TAF6L: variants seen among roughly 807,000 people sequenced by gnomAD.
TAF6L encodes TAF6-like RNA polymerase II p300/CBP-associated factor-associated factor 65 kDa subunit 6L.
TAF6L carries 34 observed loss-of-function variants against 57.3 expected under a neutral mutation model. The observed-to-expected ratio is 0.59, with a 90% confidence interval of 0.45 to 0.79. The LOEUF is 0.79. Among genes scored for constraint, TAF6L ranks in the 30% least tolerant of loss-of-function variants. The pLI is 0.00. For synonymous variants in TAF6L, 417 were observed against 376.3 expected, an observed-to-expected ratio of 1.11 and a Z score of -1.25; for missense variants, 782 against 853.2, an observed-to-expected ratio of 0.92 and a Z score of 1.04.
Position 62,787,006 on chromosome 11 carries a change from G to C in TAF6L, c.1579G>C (p.Val527Leu). The C allele has an allele frequency of 6.7e-7, 1 of 1,484,348 alleles. No individual in the cohort carries two copies. The highest frequency in any genetic ancestry group is 1.3e-5 in the South Asian group (1 of 77,540). The allele number at this position is 1,484,348 out of a possible 1,614,324, so 91.9% of individuals were successfully genotyped here. The part of the protein sequence containing the change: ...AASESRPLPR[V>L]HRARGAPRQQ... ...CTCTGAGAGCAGGCCCTTGCCGCGC[G>C]TGCATCGGGCGCGCGGGGCACCCCG... Residue 527 changes from valine to leucine, a missense_variant, in exon 11 of 11, where the codon GTG (valine) becomes CTG (leucine). Physicochemically the swap from Val to Leu is conservative, Grantham distance 32 (BLOSUM62 1). Transcript: ENST00000294168.
chr11:62,777,009 T>C (rs2084193046), intron 3 of TAF6L, among the ~76,000 whole-genome samples: 1 of 151,986 alleles, frequency 6.6e-6, no homozygotes, highest in African/African-American at 2.4e-5. Context: ...TAGCTGGCCG[T>C]GGCGGTGGGC....
At chr11:62,785,435 G>A (rs12808302) in intron 9 of TAF6L, among the ~76,000 whole-genome samples, 30,753 of 151,376 alleles carry the variant, frequency 0.2, 3,759 homozygotes, top group Non-Finnish European at 0.29. Context: ...CTCCTGATCC[G>A]CCTGCCTTGG....
At position 62,775,846 on chromosome 11, in the gene TAF6L, G is replaced by T; in HGVS notation, c.63G>T (p.Ala21=). 1 of 1,613,664 alleles carries T rather than the reference G, an allele frequency of 6.2e-7. No homozygotes were observed. The highest frequency in any genetic ancestry group is 1.1e-5 in the South Asian group (1 of 91,072). ...CTCGGGAGTCTGTCCGGCTCATGGC[G>T]GAGAGCACGGGCCTGGAGCTGAGCG... ...EIPRESVRLM[A]ESTGLELSDE... Residue 21 remains alanine (A), a synonymous_variant, in exon 2 of 11, where the codon GCG becomes GCT. Transcript: ENST00000294168.
intron 1 of TAF6L, among the ~76,000 whole-genome samples, chr11:62,775,170 A>G (rs1402094535): frequency 7.2e-5 from 11 of 152,104 alleles, no homozygotes. Context: ...GTGGAAGAGG[A>G]AGCAAACATG....
chr11:62,776,921 G>A (rs1300663153), intron 3 of TAF6L, among the ~76,000 whole-genome samples: 2 of 151,764 alleles, frequency 1.3e-5, no homozygotes, highest in African/African-American at 2.4e-5. Flanking sequence ...GGTGGAGGCC[G>A]GCGGATCACG....
chr11:62,780,758 CGT>C (rs2134713047), intron 6 of TAF6L, among the ~76,000 whole-genome samples: 1 of 136,668 alleles, frequency 7.3e-6, no homozygotes, highest in East Asian at 2.2e-4. Flanking sequence ...GGTGATTTCC[CGT>C]TGGATATCTA....
Position 62,781,916 on chromosome 11 carries a change from C to G in TAF6L, c.554C>G (p.Thr185Arg). 6.2e-7 allele frequency: 1 copy of G among 1,614,140 alleles called. No homozygotes were observed. The highest frequency in any genetic ancestry group is 8.5e-7 in the Non-Finnish European group (1 of 1,180,028). Residue 185 changes from threonine to arginine, a missense_variant, in exon 7 of 11, where the codon ACG (threonine) becomes AGG (arginine). Thr to Arg is a moderately conservative substitution (Grantham distance 71). Around this residue, in one of 3 missense-constraint regions of TAF6L, gnomAD observed 220 missense variants for 252.1 expected, o/e 0.87. Transcript: ENST00000294168. ...LMKVALQDLQ[T>R]NSKIGALLPY... ...TAGGTTGCACTCCAGGACTTGCAGA[C>G]GAACTCCAAGATTGGGGCACTCCTG... is the stretch of plus-strand genomic sequence containing the variant.
At position 62,782,029 on chromosome 11, in the gene TAF6L, T is replaced by C; in HGVS notation, c.606+61T>C. 6 of 1,602,242 alleles carry C rather than the reference T, an allele frequency of 3.7e-6. No homozygotes were observed. In the East Asian group the frequency reaches 1.3e-4, roughly 36 times the overall value. On this transcript the variant is annotated intron_variant, in intron 7 of 10. Transcript: ENST00000294168. ...TAAGGAAGAGATGACCCAGCAGGTG[T>C]AGGGCTCATGGCAAGTGCTGTCAGA...
intron 1 of TAF6L, chr11:62,772,101 A>T: frequency 2.2e-6 from 1 of 456,270 alleles, no homozygotes; most frequent in South Asian, 1.5e-5. Flanking sequence ...GAAGTCATGG[A>T]ACATTTAGCC....
chr11:62,783,885 T>C (rs2084249307), intron 9 of TAF6L, among the ~76,000 whole-genome samples: 1 of 151,348 alleles, frequency 6.6e-6, no homozygotes, highest in African/African-American at 2.4e-5. Flanking sequence ...CTAGGTGTAT[T>C]AATGGATTCT....
intron 1 of TAF6L, 129 bp downstream of exon 1, chr11:62,771,619 C>G (rs1315669105): frequency 5.5e-6 from 1 of 180,366 alleles, no homozygotes; most frequent in African/African-American, 2.4e-5. Context: ...TCAGTGACCC[C>G]TGACCTCCTC....
chr11:62,775,844 G>A lies in TAF6L; in HGVS notation c.61G>A (p.Ala21Thr). 1 of 1,613,354 alleles carries A rather than the reference G, an allele frequency of 6.2e-7. No homozygotes were observed. Among genetic ancestry groups the A allele is most frequent in the Non-Finnish European group, 8.5e-7 (1 of 1,179,938 alleles). Residue 21 changes from alanine (A) to threonine (T), a missense_variant, in exon 2 of 11, where the codon GCG becomes ACG. Transcript: ENST00000294168. Reference protein sequence around the residue: ...EIPRESVRLMAESTGLELSDE... With the variant: ...EIPRESVRLMTESTGLELSDE... ...CCCTCGGGAGTCTGTCCGGCTCATG[G>A]CGGAGAGCACGGGCCTGGAGCTGAG...
intron 1 of TAF6L, among the ~76,000 whole-genome samples, chr11:62,773,374 C>G (rs1194835770): frequency 3.3e-5 from 5 of 151,950 alleles, no homozygotes; most frequent in African/African-American, 7.3e-5. Context: ...TCTAGAACTC[C>G]TGACCTTGTG....
At chr11:62,771,757 G>A (rs1185999386) in intron 1 of TAF6L, 2 of 219,002 alleles carry the variant, frequency 9.1e-6, no homozygotes, top group East Asian at 1.3e-4. Flanking sequence ...CTGAGGATGC[G>A]GAGGAGAGGA....
chr11:62,778,949 C>A lies in TAF6L; in HGVS notation c.517C>A (p.Pro173Thr). Residue 173 changes from proline (P) to threonine (T), a missense_variant, in exon 6 of 11, where the codon CCG becomes ACG. By Grantham distance (38) the Pro-to-Thr change is conservative. Around this residue, in one of 3 missense-constraint regions of TAF6L, gnomAD observed 220 missense variants for 252.1 expected, o/e 0.87. Transcript: ENST00000294168. ...QVTRAVLGDD[P>T]QLMKVALQDL... Reference sequence around the variant, plus strand: ...GACTCGTGCTGTGCTAGGGGATGATCCGCAACTGATGAAGGTGAGCGAGTG... The same window carrying A: ...GACTCGTGCTGTGCTAGGGGATGATACGCAACTGATGAAGGTGAGCGAGTG... 6.2e-7 allele frequency: 1 copy of A among 1,614,020 alleles called. No individual in the cohort carries two copies. The highest frequency in any genetic ancestry group is 8.5e-7 in the Non-Finnish European group (1 of 1,179,980).
rs1469313198 is a variant in TAF6L at position 62,786,555 on chromosome 11, A to G, written c.1128A>G (p.Ala376=). 1 of 1,557,686 alleles carries G rather than the reference A, an allele frequency of 6.4e-7. No homozygotes were observed. Among genetic ancestry groups the G allele is most frequent in the African/African-American group, 1.4e-5 (1 of 73,412 alleles). ...GACTGCTGAAGATGAAGGCCCAGGC[A>G]GCAGAGCCCAACAGGGGTGGCCCAG... The part of the protein sequence containing the change: ...VERLLKMKAQ[A]AEPNRGGPGG... Residue 376 remains alanine (A), a synonymous_variant, in exon 11 of 11, where the codon GCA becomes GCG. Coordinates refer to ENST00000294168, the MANE Select transcript of TAF6L (RefSeq NM_006473.4).
At chr11:62,778,665 A>G in intron 5 of TAF6L, 2 of 614,282 alleles carry the variant, frequency 3.3e-6, no homozygotes, top group South Asian at 3.9e-5. Flanking sequence ...GGGTGGGTGG[A>G]AGACAGGACA....
rs1217661589 is a variant in TAF6L, at chr11:62,776,149, T to TG, written c.147+222dup. 2.6e-5 allele frequency among the ~76,000 whole-genome samples: 4 copies of TG among 152,280 alleles called. No individual in the cohort carries two copies. In the East Asian group the frequency reaches 7.7e-4, roughly 29 times the overall value. On this transcript the variant is annotated intron_variant, in intron 2 of 10. Transcript: ENST00000294168. ...CATGTGCTCCTCACAACAGCCCTGT[T>TG]GGGCAGGCAGAGCGGGTAGATACTC...
At chr11:62,771,735 C>CGTGACTAG (rs1339613222) in intron 1 of TAF6L, 1 of 218,208 alleles carries the variant, frequency 4.6e-6, no homozygotes, top group Non-Finnish European at 9.5e-6. Context: ...TCCTCTCCAG[C>CGTGACTAG]GTGACTAGTG....
Sources: gnomAD v4.1 joint callset for allele counts (sites outside exome capture counted in the v4.1 genomes callset) on GRCh38, gnomAD v4.1.1 for gene constraint, gnomAD v4.1.1 regional missense constraint, MANE v1.5 for transcripts, NCBI Gene and HGNC (gene_info 2026-07-23, HGNC 2026-07-21) for gene names.